The following ZNF440 variants were observed in gnomAD, a reference collection of about 807,000 sequenced individuals.
The protein encoded by ZNF440 is zinc finger protein 440.
ZNF440 carries 47 observed loss-of-function variants against 49.7 expected under a neutral mutation model. The ratio of observed to expected loss-of-function variants is 0.95; its 90% CI spans 0.75 to 1.21. The LOEUF (loss-of-function observed/expected upper bound fraction) is 1.21. Ranked by LOEUF, ZNF440 falls within the 50% of genes most tolerant of loss-of-function variation. ZNF440 has a pLI of 0.00. For missense variants in ZNF440, 703 were observed against 715.0 expected (o/e 0.98, Z 0.19); for synonymous variants, 255 against 237.7 (o/e 1.07, Z -0.67).
Position 11,832,188 on chromosome 19 carries a change from A to G in ZNF440, c.1012A>G (p.Arg338Gly). The change falls in exon 4 of 4, where the codon AGA (arginine) becomes GGA (glycine). Residue 338 changes from arginine (R) to glycine (G), a missense_variant. Transcript: ENST00000304060. Reference sequence around the variant, plus strand: ...ACACGTAAGATTGCACTCTGGAGAAAGACCTTATGAATGTAAGATATGTGG... The same window carrying G: ...ACACGTAAGATTGCACTCTGGAGAAGGACCTTATGAATGTAAGATATGTGG... Reference protein sequence around the residue: ...QTHVRLHSGERPYECKICGKD... With the variant: ...QTHVRLHSGEGPYECKICGKD... 1 of 1,614,236 alleles carries G rather than the reference A, an allele frequency of 6.2e-7. No homozygotes were observed. Among genetic ancestry groups the G allele is most frequent in the African/African-American group, 1.3e-5 (1 of 75,074 alleles).
intron 1 of ZNF440, among the ~76,000 whole-genome samples, chr19:11,823,962 C>A (rs1161024240): frequency 6.7e-6 from 1 of 149,300 alleles, no homozygotes; most frequent in Non-Finnish European, 1.5e-5. Context: ...AACTCCATCT[C>A]AAAAAAATAA....
At position 11,829,832 on chromosome 19, in the gene ZNF440, T is replaced by TAA. The variant is rs35638937; in HGVS notation, c.4-441_4-440dup. On this transcript the variant is annotated intron_variant, in intron 1 of 3. Coordinates refer to ENST00000304060, the MANE Select transcript of ZNF440 (RefSeq NM_152357.3). ...TGGGTAACAGAATGAGACGCTGTCT[T>TAA]AAAAAAAAAAACAACTGCTAGCTGG... Among the ~76,000 whole-genome samples, 55 of 148,142 alleles carry TAA rather than the reference T, an allele frequency of 3.7e-4. 1 individual carries two copies. The highest frequency in any genetic ancestry group is 1.0e-3 in the African/African-American group (41 of 40,594).
chr19:11,817,070 A>G (rs1225382758), intron 1 of ZNF440: 1 of 152,254 alleles, frequency 6.6e-6, no homozygotes, highest in Non-Finnish European at 1.5e-5. Flanking sequence ...GAAATAATCG[A>G]AAGTTTCAGA....
In ZNF440 at chr19:11,831,735, G is replaced by T. The variant is rs563420656; in HGVS notation, c.559G>T (p.Val187Phe). The change falls in exon 4 of 4, where the codon GTT (valine) becomes TTT (phenylalanine). Residue 187 changes from valine (V) to phenylalanine (F), a missense_variant. Coordinates refer to ENST00000304060, the MANE Select transcript of ZNF440 (RefSeq NM_152357.3). ...AAAAACCTTTATTTCCCATTCAAGT[G>T]TTCGAAGACACATGGTAATGCACAG... ...CGKTFISHSS[V>F]RRHMVMHSGD... is the part of the protein sequence containing the mutation. 4 of 1,613,908 alleles carry T rather than the reference G, an allele frequency of 2.5e-6. No homozygotes were observed. In the African/African-American group the frequency reaches 5.3e-5, roughly 22 times the overall value.
At chr19:11,822,042 C>G (rs1017439960) in intron 1 of ZNF440, among the ~76,000 whole-genome samples, 2 of 152,192 alleles carry the variant, frequency 1.3e-5, no homozygotes, top group African/African-American at 4.8e-5. Context: ...AGGGAATTGA[C>G]CAAGGAGGTG....
intron 1 of ZNF440, among the ~76,000 whole-genome samples, chr19:11,823,971 A>T (rs1209256584): frequency 6.7e-6 from 1 of 149,814 alleles, no homozygotes; most frequent in Non-Finnish European, 1.5e-5. Flanking sequence ...TCAAAAAAAT[A>T]AAAAAAAAAT....
chr19:11,819,452 G>A (rs958840298), intron 1 of ZNF440, among the ~76,000 whole-genome samples: 10 of 152,086 alleles, frequency 6.6e-5, no homozygotes, highest in Admixed American at 2.6e-4. Flanking sequence ...AGGCTGGAGC[G>A]CGGTGGCACC....
rs1975974122 is a variant in ZNF440 at position 11,833,047 on chromosome 19, A to C, written c.*83A>C. The C allele has an allele frequency of 6.4e-7, 1 of 1,570,820 alleles. No individual in the cohort carries two copies. Among genetic ancestry groups the C allele is most frequent in the African/African-American group, 1.4e-5 (1 of 72,772 alleles). ...CCAAGTCATTTCAAATACATGAAAAATCTTACACTGGAGAGAAACCCTATG... is the reference window on the plus strand; with the variant it reads ...CCAAGTCATTTCAAATACATGAAAACTCTTACACTGGAGAGAAACCCTATG... On this transcript the variant is annotated 3_prime_UTR_variant, in exon 4 of 4. Transcript: ENST00000304060.
Position 11,833,765 on chromosome 19 carries a change from CT to C in ZNF440, c.*803del. 1.2e-6 allele frequency: 1 copy of C among 836,180 alleles called. No individual in the cohort carries two copies. 51.8% of individuals were successfully genotyped at this position (836,180 alleles called of 1,614,324 possible). A position where few individuals can be genotyped will look rare whatever the true frequency, so the allele number is the denominator to read the frequency against. On this transcript the variant is annotated 3_prime_UTR_variant, in exon 4 of 4. Coordinates refer to ENST00000304060, the MANE Select transcript of ZNF440 (RefSeq NM_152357.3). ...ATGAATATAAGCAATGTGGGAAAGC[CT>C]TCAGATCAGCCTCGCACCTTCAAAT...
At position 11,830,621 on chromosome 19, in the gene ZNF440, A is replaced by C. The variant is rs1975924681; in HGVS notation, c.135A>C (p.Lys45Asn). 5 of 1,613,738 alleles carry C rather than the reference A, an allele frequency of 3.1e-6. No individual in the cohort carries two copies. In the East Asian group the frequency reaches 6.7e-5, roughly 22 times the overall value. ...TTTTCTGTGTCTGTATTTTAGGAAAAAGGTGGAAAGACCAGAACATTGAAT... is the reference window on the plus strand; with the variant it reads ...TTTTCTGTGTCTGTATTTTAGGAAACAGGTGGAAAGACCAGAACATTGAAT... ...ETFRNLTSLG[K>N]RWKDQNIEYE... The change falls in exon 3 of 4, where the codon AAA becomes AAC. Residue 45 changes from lysine to asparagine, a missense_variant. Transcript: ENST00000304060.
At chr19:11,828,195 T>TTTTG (rs1369241640) in intron 1 of ZNF440, among the ~76,000 whole-genome samples, 3 of 152,092 alleles carry the variant, frequency 2.0e-5, no homozygotes, top group African/African-American at 7.2e-5. Flanking sequence ...TCTTGTGGTG[T>TTTTG]TTTGTTTGTT....
In ZNF440 at chr19:11,832,892, T is replaced by C. The variant is rs535783306; in HGVS notation, c.1716T>C (p.His572=). 3.7e-6 allele frequency: 6 copies of C among 1,612,734 alleles called. No individual in the cohort carries two copies. In the African/African-American group the frequency reaches 6.7e-5, roughly 18 times the overall value. The change falls in exon 4 of 4, where the codon CAT becomes CAC. Residue 572 remains histidine, a synonymous_variant. Coordinates refer to ENST00000304060, the MANE Select transcript of ZNF440 (RefSeq NM_152357.3). ...VGHTMERSPM[H]VRNVGNPSDL... Reference sequence around the variant, plus strand: ...ACACAATGGAGAGAAGCCCTATGCATGTAAGGAATGTGGGAAACCCTTCGG... The same window carrying C: ...ACACAATGGAGAGAAGCCCTATGCACGTAAGGAATGTGGGAAACCCTTCGG...
chr19:11,832,562 A>T lies in ZNF440; in HGVS notation c.1386A>T (p.Ile462=). ...GAGAAAGACGTTATAAATGTAAGAT[A>T]TGTGGGAAAGGCTTTTATTGTCCCA... ...HSGERRYKCK[I]CGKGFYCPKS... The change falls in exon 4 of 4, where the codon ATA becomes ATT. Residue 462 remains isoleucine, a synonymous_variant. Coordinates refer to ENST00000304060, the MANE Select transcript of ZNF440 (RefSeq NM_152357.3). 6.2e-7 allele frequency: 1 copy of T among 1,613,964 alleles called. No individual in the cohort carries two copies. The highest frequency in any genetic ancestry group is 1.7e-4 in the Middle Eastern group (1 of 6,060).
intron 1 of ZNF440, among the ~76,000 whole-genome samples, chr19:11,825,700 T>A (rs34871157): frequency 0.14 from 21,426 of 151,952 alleles, 1,828 homozygotes; most frequent in Middle Eastern, 0.24. Flanking sequence ...AGACAGGGTC[T>A]CAAACTCCCC....
At chr19:11,827,817 T>C (rs1741947418) in intron 1 of ZNF440, among the ~76,000 whole-genome samples, 2 of 152,248 alleles carry the variant, frequency 1.3e-5, no homozygotes, top group Admixed American at 1.3e-4. Flanking sequence ...TATCTCCTTA[T>C]GTTGCCCAGG....
Position 11,831,413 on chromosome 19 carries a change from T to C in ZNF440, c.237T>C (p.His79=), listed in dbSNP as rs376921276. ...TCAATGAAATTAAAGATGACAGTCA[T>C]TGTGGAGAAACTTTTACCCCAGTTC... The part of the protein sequence containing the change: ...EKVNEIKDDS[H]CGETFTPVPD... The change falls in exon 4 of 4, where the codon CAT becomes CAC. Residue 79 remains histidine, a synonymous_variant. Coordinates refer to ENST00000304060, the MANE Select transcript of ZNF440 (RefSeq NM_152357.3). The C allele has an allele frequency of 3.2e-5, 51 of 1,612,188 alleles. No homozygotes were observed. Among genetic ancestry groups the C allele is most frequent in the Non-Finnish European group, 4.0e-5 (47 of 1,179,540 alleles).
intron 1 of ZNF440, chr19:11,827,543 A>G (rs567437131): frequency 1.3e-5 from 2 of 152,038 alleles, no homozygotes; most frequent in Non-Finnish European, 2.9e-5. Context: ...ATGAAGTCCA[A>G]TTTATTGATT....
intron 1 of ZNF440, among the ~76,000 whole-genome samples, chr19:11,815,484 G>A (rs1418052050): frequency 6.6e-6 from 1 of 152,140 alleles, no homozygotes; most frequent in African/African-American, 2.4e-5. Flanking sequence ...ACAAAGAACA[G>A]CTTACTAAAG....
At chr19:11,827,873 C>T (rs887102063) in intron 1 of ZNF440, among the ~76,000 whole-genome samples, 1 of 152,086 alleles carries the variant, frequency 6.6e-6, no homozygotes, top group African/African-American at 2.4e-5. Flanking sequence ...GCCTTGGCCT[C>T]CAGCTTGCAT....
Sources: gnomAD v4.1 joint callset for allele counts (sites outside exome capture counted in the v4.1 genomes callset) on GRCh38, gnomAD v4.1.1 for gene constraint, MANE v1.5 for transcripts, NCBI Gene and HGNC (gene_info 2026-07-23, HGNC 2026-07-21) for gene names.